Variants in RASEF observed in about 807,000 individuals in gnomAD.
RASEF encodes the protein RAS and EF-hand domain containing.
In RASEF, 68 loss-of-function variants were observed where a neutral mutation model predicts 90.1. The ratio of observed to expected loss-of-function variants is 0.75; its 90% CI spans 0.62 to 0.92. The LOEUF (loss-of-function observed/expected upper bound fraction) is 0.92, where lower values mean the gene tolerates loss of function less well. Ranked by LOEUF, RASEF falls within the 40% of genes least tolerant of loss-of-function variation. RASEF has a pLI of 0.00. For synonymous variants in RASEF, 331 were observed against 345.2 expected (o/e 0.96, Z 0.46); for missense variants, 949 against 937.2 (o/e 1.01, Z -0.16).
At chr9:82,992,198 T>C (rs921439726) in intron 15 of RASEF, among the ~76,000 whole-genome samples, 1 of 152,192 alleles carries the variant, frequency 6.6e-6, no homozygotes, top group East Asian at 1.9e-4. Context: ...ACTATCAACA[T>C]CAAATCAGAC....
chr9:83,091,531 G>A, the RASEF span, among the ~76,000 whole-genome samples: 1 of 152,116 alleles, frequency 6.6e-6, no homozygotes, highest in African/African-American at 2.4e-5. Context: ...CTCCAGTCTG[G>A]ATGACAGAGG....
At chr9:83,104,104 A>ACCAAACACACCAAACACAG in the RASEF span, among the ~76,000 whole-genome samples, 1 of 152,206 alleles carries the variant, frequency 6.6e-6, no homozygotes, top group African/African-American at 2.4e-5. Context: ...AGCCTCAGAA[A>ACCAAACACACCAAACACAG]TCTTGGTGTG....
At chr9:83,088,339 T>G in the RASEF span, among the ~76,000 whole-genome samples, 2 of 149,802 alleles carry the variant, frequency 1.3e-5, no homozygotes, top group African/African-American at 4.9e-5. Flanking sequence ...CTATATCTCT[T>G]ATCTATCTAT....
chr9:83,101,573 G>A, the RASEF span, among the ~76,000 whole-genome samples: 11 of 152,172 alleles, frequency 7.2e-5, no homozygotes, highest in African/African-American at 1.4e-4. Context: ...ATATAGTGCC[G>A]ATAAGGTGAA....
intron 6 of RASEF, 77 bp downstream of exon 6, chr9:83,009,564 C>T: frequency 1.3e-6 from 1 of 767,242 alleles, no homozygotes; most frequent in Non-Finnish European, 2.2e-6. Flanking sequence ...TTCATTATTC[C>T]ATAGCTGAGC....
the RASEF span, among the ~76,000 whole-genome samples, chr9:83,171,979 T>C: frequency 2.0e-5 from 3 of 151,918 alleles, no homozygotes; most frequent in Non-Finnish European, 1.5e-5. Context: ...CCTGATTTTC[T>C]AGTTTCTTGA....
At chr9:83,008,891 CATATATATATATATATATAT>C (rs56810511) in intron 6 of RASEF, among the ~76,000 whole-genome samples, 18 of 19,564 alleles carry the variant, frequency 9.2e-4, no homozygotes, top group Non-Finnish European at 1.6e-3. Context: ...AAGTTCTCAT[CATATATATATATATATATAT>C]ATATATATAT....
At chr9:83,143,849 A>G in the RASEF span, among the ~76,000 whole-genome samples, 4 of 152,198 alleles carry the variant, frequency 2.6e-5, no homozygotes, top group African/African-American at 9.7e-5. Flanking sequence ...GAAAAGATAC[A>G]TATGCTCATA....
chr9:83,035,685 G>C (rs1481605576), intron 1 of RASEF, among the ~76,000 whole-genome samples: 1 of 152,024 alleles, frequency 6.6e-6, no homozygotes, highest in African/African-American at 2.4e-5. Context: ...ATCTAGTAGT[G>C]TTAGCGCAAG....
chr9:83,095,707 C>G, the RASEF span, among the ~76,000 whole-genome samples: 1 of 151,980 alleles, frequency 6.6e-6, no homozygotes, highest in African/African-American at 2.4e-5. Context: ...CTCCTTCCTT[C>G]ATACTTGCAT....
the RASEF span, among the ~76,000 whole-genome samples, chr9:83,149,231 T>C: frequency 0.25 from 37,648 of 152,180 alleles, 5,556 homozygotes; most frequent in Middle Eastern, 0.32. Context: ...CCAGTGGAAA[T>C]GTCACCATAC....
chr9:83,114,764 G>A, the RASEF span, among the ~76,000 whole-genome samples: 2 of 152,130 alleles, frequency 1.3e-5, no homozygotes, highest in Non-Finnish European at 2.9e-5. Context: ...TGGTCAGACC[G>A]GTTGTCTGTT....
chr9:83,108,304 A>T, the RASEF span, among the ~76,000 whole-genome samples: 1 of 152,178 alleles, frequency 6.6e-6, no homozygotes, highest in Non-Finnish European at 1.5e-5. Flanking sequence ...TAAAAGGGAA[A>T]ACTTGGATGT....
chr9:83,009,635 T>C lies in RASEF; in HGVS notation c.959+6A>G. On this transcript the variant is annotated splice_donor_region_variant and intron_variant, in intron 6 of 16. Transcript: ENST00000376447. Reference sequence around the variant, plus strand: ...CAAACTAACAAATAAAATGCAAAGTTCATACCTTTCAGTATTCAGACTCTG... The same window carrying C: ...CAAACTAACAAATAAAATGCAAAGTCCATACCTTTCAGTATTCAGACTCTG... 6.5e-7 allele frequency: 1 copy of C among 1,536,500 alleles called. No homozygotes were observed. Among genetic ancestry groups the C allele is most frequent in the Non-Finnish European group, 9.0e-7 (1 of 1,110,564 alleles).
the RASEF span, among the ~76,000 whole-genome samples, chr9:83,170,247 T>A: frequency 1.3e-5 from 2 of 151,898 alleles, no homozygotes; most frequent in Non-Finnish European, 2.9e-5. Context: ...CATGTAAGGA[T>A]TTATTTCTGG....
intron 1 of RASEF, among the ~76,000 whole-genome samples, chr9:83,046,389 T>C (rs1187460105): frequency 1.3e-5 from 2 of 152,178 alleles, no homozygotes; most frequent in African/African-American, 4.8e-5. Context: ...CCTACTTTTT[T>C]TTCCATATGC....
chr9:82,990,149 A>AT (rs1171167626), intron 16 of RASEF, among the ~76,000 whole-genome samples: 4 of 152,110 alleles, frequency 2.6e-5, no homozygotes, highest in Non-Finnish European at 5.9e-5. Context: ...TTGTGGTGAC[A>AT]TTTTTCAGAA....
intron 1 of RASEF, among the ~76,000 whole-genome samples, chr9:83,049,507 C>T (rs1830000451): frequency 2.0e-5 from 3 of 149,510 alleles, no homozygotes. Flanking sequence ...TGGCTCAATG[C>T]ACAGCCCACC....
At chr9:83,087,044 C>T in the RASEF span, among the ~76,000 whole-genome samples, 3 of 152,090 alleles carry the variant, frequency 2.0e-5, no homozygotes, top group Non-Finnish European at 2.9e-5. Flanking sequence ...ATATACAGAG[C>T]CACTTAAAAC....
Sources: allele counts gnomAD v4.1 joint callset (sites outside exome capture counted in the v4.1 genomes callset), GRCh38; gene constraint gnomAD v4.1.1; transcripts MANE v1.5; gene names NCBI Gene and HGNC (gene_info 2026-07-23, HGNC 2026-07-21).